Variants in GMPR observed in about 807,000 individuals in gnomAD.
The protein encoded by GMPR is GMP reductase 1.
GMPR carries 31 observed loss-of-function variants against 38.4 expected under a neutral mutation model. That is an observed-to-expected ratio of 0.81 (90% CI 0.61 to 1.09). The LOEUF (loss-of-function observed/expected upper bound fraction) is 1.09, where lower values mean the gene tolerates loss of function less well. GMPR is among the 50% of genes least tolerant of loss of function. The probability of loss-of-function intolerance (pLI) is 0.00; values close to 1 mark genes in which losing one functional copy is unlikely to be tolerated. For missense variants in GMPR, 468 were observed against 453.7 expected, an observed-to-expected ratio of 1.03 and a Z score of -0.29; for synonymous variants, 162 against 173.3, an observed-to-expected ratio of 0.93 and a Z score of 0.51.
intron 7 of GMPR, among the ~76,000 whole-genome samples, chr6:16,289,356 A>G (rs1167435171): frequency 6.6e-6 from 1 of 152,212 alleles, no homozygotes; most frequent in African/African-American, 2.4e-5. Context: ...GAAGAATCCC[A>G]CTGCACAGTG....
intron 1 of GMPR, among the ~76,000 whole-genome samples, chr6:16,245,374 A>G (rs979882604): frequency 1.3e-5 from 2 of 152,250 alleles, no homozygotes; most frequent in African/African-American, 4.8e-5. Context: ...CTAAAGGGCC[A>G]GAGCGGTCCC....
At chr6:16,288,998 A>G (rs914552921) in intron 7 of GMPR, among the ~76,000 whole-genome samples, 3 of 152,234 alleles carry the variant, frequency 2.0e-5, no homozygotes, top group African/African-American at 7.2e-5. Context: ...GGGTGGGGCC[A>G]GATAAGAGAA....
At chr6:16,260,657 G>A (rs1759066042) in intron 4 of GMPR, among the ~76,000 whole-genome samples, 2 of 151,990 alleles carry the variant, frequency 1.3e-5, no homozygotes, top group African/African-American at 2.4e-5. Flanking sequence ...AAAATGAGAG[G>A]TTCTAAGAGG....
chr6:16,250,416 A>G (rs1209913820), intron 3 of GMPR, 49 bp downstream of exon 3: 5 of 1,009,890 alleles, frequency 5.0e-6, no homozygotes, highest in Non-Finnish European at 8.0e-6. Flanking sequence ...GGGGGGAACA[A>G]AATCTTCAGA....
chr6:16,267,510 T>A (rs1463539796), intron 4 of GMPR, among the ~76,000 whole-genome samples: 3 of 152,134 alleles, frequency 2.0e-5, no homozygotes, highest in Non-Finnish European at 4.4e-5. Flanking sequence ...TGCAAAGGTC[T>A]GCGGCTTCAC....
At chr6:16,261,005 A>G (rs1400214792) in intron 4 of GMPR, among the ~76,000 whole-genome samples, 1 of 151,954 alleles carries the variant, frequency 6.6e-6, no homozygotes, top group African/African-American at 2.4e-5. Context: ...AGTTATGAGA[A>G]ATGTAGAGAG....
intron 6 of GMPR, among the ~76,000 whole-genome samples, chr6:16,281,608 G>A (rs1007633978): frequency 1.3e-5 from 2 of 151,998 alleles, no homozygotes; most frequent in Non-Finnish European, 2.9e-5. Context: ...GGGTTCAAGC[G>A]ATTCTCCTGC....
chr6:16,250,404 C>T, intron 3 of GMPR, 37 bp downstream of exon 3: 2 of 1,132,690 alleles, frequency 1.8e-6, no homozygotes, highest in Non-Finnish European at 2.7e-6. Context: ...ACCAGTGCTG[C>T]AGGGGGGAAC....
chr6:16,257,035 C>T lies in GMPR; in HGVS notation c.465+2300C>T, dbSNP rs560261603. Among the ~76,000 whole-genome samples, 19 of 152,282 alleles carry T rather than the reference C, an allele frequency of 1.2e-4. No homozygotes were observed. In the East Asian group the frequency reaches 3.7e-3, roughly 29 times the overall value. On this transcript the variant is annotated intron_variant, in intron 4 of 8. Transcript: ENST00000259727. The stretch of plus-strand genomic sequence containing the variant: ...CTAACAAGGCGACTCTTAATGGGCT[C>T]CTGTGTGGGGGTTGGTCATCAGATA...
chr6:16,260,171 G>A (rs1281047157), intron 4 of GMPR, among the ~76,000 whole-genome samples: 4 of 152,012 alleles, frequency 2.6e-5, no homozygotes, highest in Non-Finnish European at 5.9e-5. Flanking sequence ...TTTTAAGTTG[G>A]TGGCTGAGCT....
At position 16,241,213 on chromosome 6, in the gene GMPR, C is replaced by A. The variant is rs113495187; in HGVS notation, c.87+2433C>A. ...ATTTGTACAGAGCCAGGAAAGAGAA[C>A]GTACACCCTGGGAGTAGAGTCTGGC... On this transcript the variant is annotated intron_variant, in intron 1 of 8. Transcript: ENST00000259727. 8.2e-3 allele frequency among the ~76,000 whole-genome samples: 1,249 copies of A among 152,200 alleles called. 7 individuals carry two copies. The highest frequency in any genetic ancestry group is 0.013 in the Non-Finnish European group (918 of 68,004).
At chr6:16,260,054 TA>T (rs1157704672) in intron 4 of GMPR, among the ~76,000 whole-genome samples, 1 of 152,084 alleles carries the variant, frequency 6.6e-6, no homozygotes, top group African/African-American at 2.4e-5. Context: ...TGGGGCCTAA[TA>T]AAAAGGAGCG....
At chr6:16,266,942 G>A (rs1052307317) in intron 4 of GMPR, among the ~76,000 whole-genome samples, 33 of 151,980 alleles carry the variant, frequency 2.2e-4, no homozygotes, top group African/African-American at 7.5e-4. Flanking sequence ...AAAGGTCTGC[G>A]GCTTCACTCC....
intron 3 of GMPR, among the ~76,000 whole-genome samples, chr6:16,251,818 G>GTGAACTGTATGGTA (rs1476779511): frequency 3.9e-5 from 6 of 151,978 alleles, no homozygotes; most frequent in Non-Finnish European, 7.4e-5. Flanking sequence ...TGTTGAATGG[G>GTGAACTGTATGGTA]TGAACTGTAT....
intron 1 of GMPR, among the ~76,000 whole-genome samples, chr6:16,246,513 G>T (rs1758758002): frequency 6.6e-6 from 1 of 152,164 alleles, no homozygotes; most frequent in Admixed American, 6.5e-5. Flanking sequence ...GAAGAGTGGA[G>T]CAGATCCTCC....
At chr6:16,242,798 C>T (rs1758676935) in intron 1 of GMPR, among the ~76,000 whole-genome samples, 1 of 152,104 alleles carries the variant, frequency 6.6e-6, no homozygotes, top group African/African-American at 2.4e-5. Context: ...ACCACCACGT[C>T]CAACTAATTT....
chr6:16,294,670 G>A (rs1759902409), intron 8 of GMPR, among the ~76,000 whole-genome samples: 2 of 152,200 alleles, frequency 1.3e-5, no homozygotes, highest in Admixed American at 1.3e-4. Context: ...TCTGTTAGCA[G>A]CAGAGGGGAG....
intron 4 of GMPR, among the ~76,000 whole-genome samples, chr6:16,266,939 T>G (rs563850621): frequency 6.6e-6 from 1 of 151,550 alleles, no homozygotes; most frequent in South Asian, 2.1e-4. Flanking sequence ...TGCAAAGGTC[T>G]GCGGCTTCAC....
intron 4 of GMPR, among the ~76,000 whole-genome samples, chr6:16,270,083 A>C (rs1428819565): frequency 2.0e-5 from 3 of 152,232 alleles, no homozygotes; most frequent in Non-Finnish European, 4.4e-5. Flanking sequence ...TCAACACTTT[A>C]ATTTTGGAGG....
Sources: allele counts gnomAD v4.1 joint callset (sites outside exome capture counted in the v4.1 genomes callset), GRCh38; gene constraint gnomAD v4.1.1; transcripts MANE v1.5; gene names NCBI Gene and HGNC (gene_info 2026-07-23, HGNC 2026-07-21).